DAB1: variants seen among roughly 807,000 people sequenced by gnomAD.
The protein encoded by DAB1 is DAB adaptor protein 1.
DAB1 carries 15 observed loss-of-function variants against 64.6 expected under a neutral mutation model. The observed-to-expected ratio is 0.23, with a 90% CI of 0.16 to 0.36. The LOEUF is 0.36. Among genes scored for constraint, DAB1 ranks in the 10% least tolerant of loss-of-function variants. The pLI is 1.00. For missense variants in DAB1, 596 were observed against 706.7 expected, an observed-to-expected ratio of 0.84 and a Z score of 1.78; for synonymous variants, 235 against 251.9, an observed-to-expected ratio of 0.93 and a Z score of 0.64.
chr1:57,277,623 T>C (rs1362460580), intron 2 of DAB1, among the ~76,000 whole-genome samples: 2 of 152,230 alleles, frequency 1.3e-5, no homozygotes, highest in Non-Finnish European at 2.9e-5. Context: ...CAGAATGACA[T>C]TCAATGTCTT....
At chr1:58,387,850 T>C (rs338937) in intron 3 of DAB1, among the ~76,000 whole-genome samples, 110,915 of 151,364 alleles carry the variant, frequency 0.73, 41,919 homozygotes, top group African/African-American at 0.93. Flanking sequence ...CCTCAGCCTC[T>C]GAAGTAGCTG....
intron 7 of DAB1, among the ~76,000 whole-genome samples, chr1:57,533,748 A>T (rs1418123480): frequency 6.6e-6 from 1 of 151,972 alleles, no homozygotes; most frequent in Non-Finnish European, 1.5e-5. Flanking sequence ...GAGAAAAGGA[A>T]TCCCTATAGA....
At chr1:57,949,730 T>A (rs971604935) in intron 5 of DAB1, among the ~76,000 whole-genome samples, 5 of 152,190 alleles carry the variant, frequency 3.3e-5, no homozygotes, top group Admixed American at 3.3e-4. Context: ...CAGGTAGCCA[T>A]AATTCATTTA....
chr1:58,454,635 C>T (rs1645172932), intron 3 of DAB1, among the ~76,000 whole-genome samples: 1 of 152,040 alleles, frequency 6.6e-6, no homozygotes, highest in Non-Finnish European at 1.5e-5. Flanking sequence ...TAGCATCAGC[C>T]TCCTCCTGCT....
chr1:57,047,268 G>C (rs1312208407), intron 9 of DAB1, among the ~76,000 whole-genome samples: 3 of 152,182 alleles, frequency 2.0e-5, no homozygotes, highest in African/African-American at 7.2e-5. Context: ...TGCTTGGTGA[G>C]GTTTCAGTAT....
At chr1:58,532,599 C>T (rs961931181) in intron 1 of DAB1, among the ~76,000 whole-genome samples, 2 of 152,106 alleles carry the variant, frequency 1.3e-5, no homozygotes, top group Non-Finnish European at 2.9e-5. Flanking sequence ...GCGATCATGG[C>T]TCACTGTAGC....
chr1:58,319,834 A>G lies in DAB1; in HGVS notation n.309+23518T>C, dbSNP rs1430062842. On this transcript the variant is annotated intron_variant and non_coding_transcript_variant, in intron 4 of 20. Coordinates refer to the DAB1 transcript ENST00000485760. ...ATAAGTGTCCAATATCTTTCTCCCA[A>G]CTTGTTGTAACTTTCTCTAATATTT... Among the ~76,000 whole-genome samples, 13 of 152,208 alleles carry G rather than the reference A, an allele frequency of 8.5e-5. No homozygotes were observed. The East Asian group carries it at 2.3e-3, about 27-fold the overall frequency.
chr1:58,061,674 G>C (rs907602397), intron 5 of DAB1, among the ~76,000 whole-genome samples: 3 of 152,154 alleles, frequency 2.0e-5, no homozygotes, highest in Non-Finnish European at 2.9e-5. Context: ...ATAAATTTGG[G>C]GTGAGAGGAG....
At chr1:58,312,784 C>T (rs918463005) in intron 4 of DAB1, among the ~76,000 whole-genome samples, 1 of 152,234 alleles carries the variant, frequency 6.6e-6, no homozygotes, top group African/African-American at 2.4e-5. Context: ...TACTCACTTA[C>T]TAGTTGTGTG....
intron 3 of DAB1, among the ~76,000 whole-genome samples, chr1:58,409,226 C>A (rs1301599616): frequency 6.6e-6 from 1 of 152,124 alleles, no homozygotes; most frequent in African/African-American, 2.4e-5. Context: ...TCTAAGAATT[C>A]TCATTGAATT....
intron 7 of DAB1, among the ~76,000 whole-genome samples, chr1:57,541,273 C>T (rs753187808): frequency 6.6e-6 from 1 of 151,926 alleles, no homozygotes; most frequent in Non-Finnish European, 1.5e-5. Context: ...GGACTACAGG[C>T]GCCTGCCACC....
At chr1:57,152,852 G>C (rs535132234) in intron 2 of DAB1, among the ~76,000 whole-genome samples, 1 of 152,216 alleles carries the variant, frequency 6.6e-6, no homozygotes, top group East Asian at 1.9e-4. Flanking sequence ...GAACTGAGTT[G>C]GTAAGTGCTA....
chr1:57,944,284 C>T (rs2100212408), intron 5 of DAB1, among the ~76,000 whole-genome samples: 1 of 152,252 alleles, frequency 6.6e-6, no homozygotes, highest in South Asian at 2.1e-4. Flanking sequence ...GTTCCACCCT[C>T]CTCATTCCCC....
intron 5 of DAB1, among the ~76,000 whole-genome samples, chr1:58,057,397 G>A (rs1648194659): frequency 6.6e-6 from 1 of 152,138 alleles, no homozygotes; most frequent in African/African-American, 2.4e-5. Context: ...TTAAAACGAG[G>A]CCATACTGGA....
intron 5 of DAB1, among the ~76,000 whole-genome samples, chr1:58,080,853 A>G (rs537941596): frequency 6.6e-6 from 1 of 152,356 alleles, no homozygotes; most frequent in South Asian, 2.1e-4. Flanking sequence ...GATGTTTGCT[A>G]TCATACAATT....
intron 4 of DAB1, among the ~76,000 whole-genome samples, chr1:58,227,928 G>T (rs1488839455): frequency 6.6e-6 from 1 of 152,218 alleles, no homozygotes; most frequent in African/African-American, 2.4e-5. Flanking sequence ...TTAACAGCAA[G>T]CTCTCTATGA....
intron 3 of DAB1, among the ~76,000 whole-genome samples, chr1:58,364,004 C>T (rs926426593): frequency 6.6e-6 from 1 of 152,272 alleles, no homozygotes. Flanking sequence ...TAGAAATATG[C>T]CCTCTTTCTG....
chr1:58,301,723 CTTT>C (rs1662175204), intron 4 of DAB1, among the ~76,000 whole-genome samples: 1 of 152,062 alleles, frequency 6.6e-6, no homozygotes, highest in Non-Finnish European at 1.5e-5. Context: ...GATTACTATT[CTTT>C]TTGACTCTGG....
chr1:57,865,174 A>C (rs1365545296), intron 1 of DAB1: 1 of 152,134 alleles, frequency 6.6e-6, no homozygotes, highest in African/African-American at 2.4e-5. Context: ...GAAAAGGCAT[A>C]TCTGCCTCTT....
Sources: gnomAD v4.1 joint callset for allele counts (sites outside exome capture counted in the v4.1 genomes callset) on GRCh38, gnomAD v4.1.1 for gene constraint, MANE v1.5 for transcripts, NCBI Gene and HGNC (gene_info 2026-07-23, HGNC 2026-07-21) for gene names.